The following SLC6A6 variants were observed in gnomAD, a reference collection of about 807,000 sequenced individuals.
The protein encoded by SLC6A6 is solute carrier family 6 member 6.
A neutral mutation model predicts 68.8 loss-of-function variants in SLC6A6; 16 were observed. The observed-to-expected ratio is 0.23, with a 90% CI of 0.16 to 0.35. SLC6A6 has a LOEUF of 0.35. SLC6A6 is among the 10% of genes least tolerant of loss of function. SLC6A6 has a pLI of 1.00. For synonymous variants in SLC6A6, 312 were observed against 315.4 expected (o/e 0.99, Z 0.12); for missense variants, 474 against 802.8 (o/e 0.59, Z 4.95).
rs1052392438 is a variant in SLC6A6 at position 14,486,492 on chromosome 3, C to G, written c.*1485C>G. 5 of 152,670 alleles carry G rather than the reference C, an allele frequency of 3.3e-5. No homozygotes were observed. The highest frequency in any genetic ancestry group is 1.2e-4 in the African/African-American group (5 of 41,430). The allele number at this position is 152,670 out of a possible 1,614,324, so 9.5% of individuals were successfully genotyped here. A position where few individuals can be genotyped will look rare whatever the true frequency, so the allele number is the denominator to read the frequency against. On this transcript the variant is annotated 3_prime_UTR_variant, in exon 15 of 15. Coordinates refer to ENST00000622186, the MANE Select transcript of SLC6A6 (RefSeq NM_003043.6). The stretch of plus-strand genomic sequence containing the variant: ...AAGGTTGGGATTGTCAGGGTCCTGG[C>G]CCCTCAGAACTGGCTTGATCAAGGG...
At chr3:14,451,083 C>G (rs1295496253) in intron 5 of SLC6A6, among the ~76,000 whole-genome samples, 2 of 152,254 alleles carry the variant, frequency 1.3e-5, no homozygotes, top group East Asian at 3.8e-4. Context: ...CCTCTTGGAT[C>G]TCTCCGTGCC....
rs1701123783 is a variant in SLC6A6, at chr3:14,485,180, C to T, written c.*173C>T. On this transcript the variant is annotated 3_prime_UTR_variant, in exon 15 of 15. Coordinates refer to ENST00000622186, the MANE Select transcript of SLC6A6 (RefSeq NM_003043.6). ...CGTGCGTGTGTGTGTGTGTGTGTATCGTGTGTGTGTGTTTTGTTTTGATTT... is the reference window on the plus strand; with the variant it reads ...CGTGCGTGTGTGTGTGTGTGTGTATTGTGTGTGTGTGTTTTGTTTTGATTT... The T allele has an allele frequency of 9.3e-6, 3 of 322,898 alleles. No individual in the cohort carries two copies. The highest frequency in any genetic ancestry group is 3.4e-5 in the African/African-American group (1 of 29,416). 20.0% of individuals were successfully genotyped at this position (322,898 alleles called of 1,614,324 possible). A position where few individuals can be genotyped will look rare whatever the true frequency, so the allele number is the denominator to read the frequency against.
chr3:14,471,706 T>C (rs1336606451), intron 9 of SLC6A6, among the ~76,000 whole-genome samples: 1 of 152,152 alleles, frequency 6.6e-6, no homozygotes, highest in Non-Finnish European at 1.5e-5. Context: ...GGCCTCCTGT[T>C]GGGCGTGGTT....
chr3:14,425,348 CAG>C (rs987848779), intron 2 of SLC6A6, among the ~76,000 whole-genome samples: 23 of 152,176 alleles, frequency 1.5e-4, no homozygotes, highest in Non-Finnish European at 2.9e-4. Context: ...ATTTGGGAAA[CAG>C]AGTCCCGCAG....
intron 1 of SLC6A6, among the ~76,000 whole-genome samples, chr3:14,412,624 G>A (rs1404091411): frequency 2.6e-5 from 4 of 152,154 alleles, no homozygotes; most frequent in Non-Finnish European, 5.9e-5. Context: ...TCGTGCCACC[G>A]CACTCCAGCC....
At chr3:14,444,117 T>G (rs1363455191) in intron 3 of SLC6A6, 1 of 428,928 alleles carries the variant, frequency 2.3e-6, no homozygotes, top group African/African-American at 2.0e-5. Flanking sequence ...GCCTCTCTGG[T>G]CCTCCAGTTT....
chr3:14,465,596 T>C (rs1296177962), intron 6 of SLC6A6, among the ~76,000 whole-genome samples: 1 of 152,196 alleles, frequency 6.6e-6, no homozygotes, highest in Non-Finnish European at 1.5e-5. Context: ...ATTCTACTCA[T>C]GAGGAAACAG....
chr3:14,447,895 G>A (rs1700166214), intron 5 of SLC6A6, 79 bp downstream of exon 5: 1 of 1,566,516 alleles, frequency 6.4e-7, no homozygotes, highest in South Asian at 1.2e-5. Context: ...CTCCTCCCCT[G>A]GGATACAGGA....
At chr3:14,403,077 A>AGTGTGTGT (rs34547966) in intron 1 of SLC6A6, among the ~76,000 whole-genome samples, 65 of 143,424 alleles carry the variant, frequency 4.5e-4, no homozygotes, top group African/African-American at 1.0e-3. Flanking sequence ...GCGGCAGGAG[A>AGTGTGTGT]GTGTGTGTGT....
chr3:14,457,184 G>A (rs1007526250), intron 5 of SLC6A6, among the ~76,000 whole-genome samples: 3 of 152,110 alleles, frequency 2.0e-5, no homozygotes, highest in Admixed American at 2.0e-4. Context: ...AAAGACCCAC[G>A]CTCTGCCGTG....
chr3:14,484,887 C>T lies in SLC6A6; in HGVS notation c.1743C>T (p.Thr581=), dbSNP rs762542475. 3 of 1,611,926 alleles carry T rather than the reference C, an allele frequency of 1.9e-6. No individual in the cohort carries two copies. The highest frequency in any genetic ancestry group is 1.7e-6 in the Non-Finnish European group (2 of 1,179,984). The change falls in exon 15 of 15, where the codon ACC becomes ACT. Residue 581 remains threonine, a synonymous_variant. Transcript: ENST00000622186. ...TCCAGAGAGTCAAGTACCTGCTGAC[C>T]CCAAGGGAACCCAACCGCTGGGCTG... The part of the protein sequence containing the change: ...PFLVRVKYLL[T]PREPNRWAVE...
chr3:14,451,236 G>C (rs1171830549), intron 5 of SLC6A6, among the ~76,000 whole-genome samples: 4 of 152,244 alleles, frequency 2.6e-5, no homozygotes, highest in African/African-American at 4.8e-5. Flanking sequence ...CTCACTGGGT[G>C]CTGAATCTCC....
At chr3:14,411,693 T>C (rs1699255701) in intron 1 of SLC6A6, among the ~76,000 whole-genome samples, 1 of 152,204 alleles carries the variant, frequency 6.6e-6, no homozygotes, top group Non-Finnish European at 1.5e-5. Flanking sequence ...TTCCTTCTAC[T>C]CTGAAATGGG....
At position 14,466,651 on chromosome 3, in the gene SLC6A6, G is replaced by A. The variant is rs1700626570; in HGVS notation, c.867+1G>A. On this transcript the variant is annotated splice_donor_variant, in intron 7 of 14. Transcript: ENST00000622186. LOFTEE classifies it high-confidence loss of function. Reference sequence around the variant, plus strand: ...CATCACCCGCCTTGAGGACCCACAGGTACTGTGGGGCTGGGACACACCATC... The same window carrying A: ...CATCACCCGCCTTGAGGACCCACAGATACTGTGGGGCTGGGACACACCATC... The A allele has an allele frequency of 6.2e-7, 1 of 1,608,410 alleles. No individual in the cohort carries two copies. The highest frequency in any genetic ancestry group is 8.5e-7 in the Non-Finnish European group (1 of 1,176,262).
At position 14,441,542 on chromosome 3, in the gene SLC6A6, C is replaced by G. The variant is rs1032123489; in HGVS notation, c.-11-2082C>G. ...AGGAAGCCTTTCTTGGTCTGCTGGC[C>G]GCCAGATAGTGAAACAATTGGGGTC... On this transcript the variant is annotated intron_variant, in intron 2 of 14. Transcript: ENST00000622186. 2.1e-3 allele frequency among the ~76,000 whole-genome samples: 314 copies of G among 152,268 alleles called. 4 individuals carry two copies. Among genetic ancestry groups the G allele is most frequent in the Non-Finnish European group, 5.1e-4 (35 of 68,010 alleles).
intron 2 of SLC6A6, among the ~76,000 whole-genome samples, chr3:14,417,535 T>G (rs1453497401): frequency 6.6e-6 from 1 of 152,138 alleles, no homozygotes; most frequent in East Asian, 1.9e-4. Context: ...ATCGAGACCA[T>G]CCTGGCTAAC....
At chr3:14,424,773 C>CAAGTCTCCAGAGGA (rs1348130633) in intron 2 of SLC6A6, among the ~76,000 whole-genome samples, 2 of 152,188 alleles carry the variant, frequency 1.3e-5, no homozygotes, top group Non-Finnish European at 2.9e-5. Flanking sequence ...GGCACGGCCA[C>CAAGTCTCCAGAGGA]AAGTCTCCAG....
Position 14,472,738 on chromosome 3 carries a change from C to A in SLC6A6, c.1209+421C>A, listed in dbSNP as rs914598418. 1.3e-5 allele frequency among the ~76,000 whole-genome samples: 2 copies of A among 152,082 alleles called. No homozygotes were observed. Among genetic ancestry groups the A allele is most frequent in the Non-Finnish European group, 2.9e-5 (2 of 68,010 alleles). ...GGCACAGGAGGACATGGCAGATGGGCGATTCGGAGAAGGGACCCACATTTC... is the reference window on the plus strand; with the variant it reads ...GGCACAGGAGGACATGGCAGATGGGAGATTCGGAGAAGGGACCCACATTTC... On this transcript the variant is annotated intron_variant, in intron 10 of 14. Coordinates refer to ENST00000622186, the MANE Select transcript of SLC6A6 (RefSeq NM_003043.6). The surrounding 1 kb of genome is among the most constrained non-coding windows in gnomAD (Gnocchi z 4.5).
At chr3:14,423,895 G>A (rs1452940722) in intron 2 of SLC6A6, among the ~76,000 whole-genome samples, 1 of 152,176 alleles carries the variant, frequency 6.6e-6, no homozygotes, top group African/African-American at 2.4e-5. Flanking sequence ...CAGGGAGTGT[G>A]GCCTTCTGTG....
Sources: gnomAD v4.1 joint callset for allele counts (sites outside exome capture counted in the v4.1 genomes callset) on GRCh38, gnomAD v4.1.1 for gene constraint, Gnocchi (gnomAD v3.1) non-coding constraint, MANE v1.5 for transcripts, NCBI Gene and HGNC (gene_info 2026-07-23, HGNC 2026-07-21) for gene names.